SUGCT: variants seen among roughly 807,000 people sequenced by gnomAD.
The protein encoded by SUGCT is succinyl-CoA:glutarate CoA-transferase.
A neutral mutation model predicts 55.0 loss-of-function variants in SUGCT; 41 were observed. The ratio of observed to expected loss-of-function variants is 0.74; its 90% CI spans 0.58 to 0.97. The LOEUF is 0.97. SUGCT is among the 50% of genes least tolerant of loss of function. SUGCT has a pLI of 0.00. For synonymous variants in SUGCT, 187 were observed against 200.4 expected (o/e 0.93, Z 0.56); for missense variants, 568 against 547.8 (o/e 1.04, Z -0.37).
chr7:40,232,402 T>TG (rs1473984207), intron 6 of SUGCT, among the ~76,000 whole-genome samples: 1 of 152,102 alleles, frequency 6.6e-6, no homozygotes, highest in Admixed American at 6.6e-5. Flanking sequence ...CAGGGGTTAA[T>TG]GAGTGGGGTT....
At chr7:40,707,110 G>C (rs1337757712) in intron 12 of SUGCT, among the ~76,000 whole-genome samples, 1 of 152,118 alleles carries the variant, frequency 6.6e-6, no homozygotes, top group Non-Finnish European at 1.5e-5. Context: ...TGTTTGGACT[G>C]AACTCGAATA....
At chr7:40,870,861 C>T in the SUGCT span, among the ~76,000 whole-genome samples, 1 of 152,044 alleles carries the variant, frequency 6.6e-6, no homozygotes, top group Non-Finnish European at 1.5e-5. Flanking sequence ...TTATTGTACT[C>T]ATTGTTTTTT....
intron 10 of SUGCT, among the ~76,000 whole-genome samples, chr7:40,449,883 A>C (rs1562786478): frequency 6.6e-6 from 1 of 152,208 alleles, no homozygotes; most frequent in Non-Finnish European, 1.5e-5. Flanking sequence ...AATTAAGATT[A>C]TATTAAATTG....
chr7:40,175,416 C>T (rs528744936), intron 1 of SUGCT, among the ~76,000 whole-genome samples: 6 of 152,198 alleles, frequency 3.9e-5, no homozygotes, highest in African/African-American at 1.4e-4. Context: ...GACAGGGTTT[C>T]GCCATGCTGG....
intron 8 of SUGCT, among the ~76,000 whole-genome samples, chr7:40,290,840 G>A (rs1467810722): frequency 6.6e-6 from 1 of 152,114 alleles, no homozygotes; most frequent in Non-Finnish European, 1.5e-5. Flanking sequence ...CAAAAAGTGG[G>A]TGAAGGATAT....
At chr7:40,948,181 A>G in the SUGCT span, among the ~76,000 whole-genome samples, 3 of 152,232 alleles carry the variant, frequency 2.0e-5, no homozygotes, top group Non-Finnish European at 4.4e-5. Context: ...AACAGAATAT[A>G]GTTTCTACAG....
chr7:40,888,190 C>T, the SUGCT span, among the ~76,000 whole-genome samples: 1 of 152,168 alleles, frequency 6.6e-6, no homozygotes, highest in African/African-American at 2.4e-5. Context: ...AAACCTGGGG[C>T]ATCTCACTCC....
chr7:40,249,313 C>CTATCTATATCTATATATATCTATATA (rs1324264789), intron 7 of SUGCT, among the ~76,000 whole-genome samples: 19 of 79,508 alleles, frequency 2.4e-4, no homozygotes, highest in Non-Finnish European at 3.6e-4. Context: ...CACCAAAAAG[C>CTATCTATATCTATATATATCTATATA]TATATATATA....
In SUGCT at chr7:40,749,448, C is replaced by A; in HGVS notation, c.1104C>A (p.Gly368=). 1 of 1,613,660 alleles carries A rather than the reference C, an allele frequency of 6.2e-7. No individual in the cohort carries two copies. Among genetic ancestry groups the A allele is most frequent in the Non-Finnish European group, 8.5e-7 (1 of 1,179,654 alleles). The part of the protein sequence containing the change: ...VFAEPQVLHN[G]LVMEMEHPTV... ...TGCCTTTTCAGGTATTACACAATGG[C>A]CTCGTTATGGAGATGGAGCATCCAA... Residue 368 remains glycine, a synonymous_variant, in exon 13 of 14, where the codon GGC becomes GGA. Coordinates refer to ENST00000335693, the MANE Select transcript of SUGCT (RefSeq NM_001193313.2).
intron 13 of SUGCT, among the ~76,000 whole-genome samples, chr7:40,844,099 C>T (rs1161726507): frequency 6.6e-6 from 1 of 152,120 alleles, no homozygotes; most frequent in Non-Finnish European, 1.5e-5. Flanking sequence ...ACAGGAACCA[C>T]GGCAGCATCC....
intron 7 of SUGCT, among the ~76,000 whole-genome samples, chr7:40,244,612 G>A (rs529579093): frequency 6.6e-6 from 1 of 152,294 alleles, no homozygotes; most frequent in Middle Eastern, 3.4e-3. Context: ...AAGTTTACAA[G>A]CATTGTTCCT....
Position 40,264,160 on chromosome 7 carries a change from G to A in SUGCT, c.577-10353G>A, listed in dbSNP as rs112709163. 2.1e-3 allele frequency among the ~76,000 whole-genome samples: 317 copies of A among 152,208 alleles called. 1 individual carries two copies. The highest frequency in any genetic ancestry group is 6.9e-3 in the African/African-American group (286 of 41,538). On this transcript the variant is annotated intron_variant, in intron 7 of 13. Transcript: ENST00000335693. Reference sequence around the variant, plus strand: ...AGACACTGATCTCTAAACAACTCGTGTACTTTCCTGCTTGTTTACCTTTAC... The same window carrying A: ...AGACACTGATCTCTAAACAACTCGTATACTTTCCTGCTTGTTTACCTTTAC...
chr7:40,294,026 C>T (rs1793959683), intron 8 of SUGCT, among the ~76,000 whole-genome samples: 1 of 152,110 alleles, frequency 6.6e-6, no homozygotes, highest in African/African-American at 2.4e-5. Flanking sequence ...TGGTTCACTG[C>T]AACCTCCGCC....
chr7:40,158,247 G>C (rs941439798), intron 1 of SUGCT, among the ~76,000 whole-genome samples: 8 of 151,954 alleles, frequency 5.3e-5, no homozygotes, highest in Admixed American at 4.6e-4. Context: ...ATGCAAGGTA[G>C]TCAAGCACAA....
At chr7:40,658,167 T>A (rs2151849845) in intron 12 of SUGCT, among the ~76,000 whole-genome samples, 1 of 152,320 alleles carries the variant, frequency 6.6e-6, no homozygotes, top group East Asian at 1.9e-4. Context: ...ATTCTAGGCC[T>A]TCTGTCTGTT....
chr7:40,876,850 G>T, the SUGCT span, among the ~76,000 whole-genome samples: 40 of 152,294 alleles, frequency 2.6e-4, no homozygotes, highest in Middle Eastern at 6.8e-3. Context: ...AACAGACACT[G>T]GTTGTGCAGC....
intron 12 of SUGCT, among the ~76,000 whole-genome samples, chr7:40,629,611 G>A (rs1350325105): frequency 6.6e-6 from 1 of 152,174 alleles, no homozygotes; most frequent in Non-Finnish European, 1.5e-5. Flanking sequence ...CATGTCATCT[G>A]TGAGTAACTG....
chr7:40,944,565 A>T, the SUGCT span, among the ~76,000 whole-genome samples: 1 of 152,046 alleles, frequency 6.6e-6, no homozygotes, highest in African/African-American at 2.4e-5. Flanking sequence ...TGTTTTTCTC[A>T]GGTTTGTCAA....
chr7:40,458,304 C>G (rs1333681087), intron 10 of SUGCT, among the ~76,000 whole-genome samples: 1 of 152,194 alleles, frequency 6.6e-6, no homozygotes, highest in African/African-American at 2.4e-5. Flanking sequence ...TCTACACAGT[C>G]TTTGTAAAAC....
Sources: allele counts gnomAD v4.1 joint callset (sites outside exome capture counted in the v4.1 genomes callset), GRCh38; gene constraint gnomAD v4.1.1; transcripts MANE v1.5; gene names NCBI Gene and HGNC (gene_info 2026-07-23, HGNC 2026-07-21).